Variants in KIF21A observed in about 807,000 individuals in gnomAD.
KIF21A encodes kinesin-like protein KIF21A.
In KIF21A, 114 loss-of-function variants were observed where a neutral mutation model predicts 202.9. That is an observed-to-expected ratio of 0.56 (90% CI 0.48 to 0.66). The LOEUF (loss-of-function observed/expected upper bound fraction) is 0.66. Among genes scored for constraint, KIF21A ranks in the 30% least tolerant of loss-of-function variants. The pLI is 0.00. For missense variants in KIF21A, 1,677 were observed against 1,994.9 expected (o/e 0.84, Z 3.04); for synonymous variants, 667 against 670.8 (o/e 0.99, Z 0.09).
chr12:39,310,718 C>A (rs1943944727), intron 32 of KIF21A, among the ~76,000 whole-genome samples: 1 of 151,970 alleles, frequency 6.6e-6, no homozygotes. Context: ...CTTGTCAAAG[C>A]CTTCCTTGTT....
intron 23 of KIF21A, 69 bp from the exon 24 acceptor site, chr12:39,330,331 C>G: frequency 1.4e-6 from 2 of 1,383,788 alleles, no homozygotes; most frequent in Non-Finnish European, 2.1e-6. Context: ...ATGTTAAAAA[C>G]TCCCACATAA....
At chr12:39,345,803 T>C (rs886665010) in intron 12 of KIF21A, among the ~76,000 whole-genome samples, 1 of 151,944 alleles carries the variant, frequency 6.6e-6, no homozygotes, top group African/African-American at 2.4e-5. Context: ...ATCAGTAAAA[T>C]GCAATCAAGA....
At chr12:39,402,141 G>A (rs1249289940) in intron 1 of KIF21A, among the ~76,000 whole-genome samples, 8 of 152,176 alleles carry the variant, frequency 5.3e-5, no homozygotes, top group South Asian at 2.1e-4. Context: ...AAGGGTGACC[G>A]TGCCTCTTAG....
rs58046207 is a variant in KIF21A, at chr12:39,319,544, G to T, written c.3779+362C>A. Among the ~76,000 whole-genome samples the T allele has an allele frequency of 3.7e-3, 562 of 152,114 alleles. 3 individuals carry two copies. Among genetic ancestry groups the T allele is most frequent in the African/African-American group, 0.013 (532 of 41,498 alleles). Reference sequence around the variant, plus strand: ...GTCAAGATCAGTTTTAGCTAACATGGCAATGACGGTCAAAATTAATTCTAA... The same window carrying T: ...GTCAAGATCAGTTTTAGCTAACATGTCAATGACGGTCAAAATTAATTCTAA... On this transcript the variant is annotated intron_variant, in intron 28 of 37. Coordinates refer to ENST00000361418, the MANE Select transcript of KIF21A (RefSeq NM_001173464.2).
At chr12:39,353,736 G>T (rs1273199133) in intron 10 of KIF21A, among the ~76,000 whole-genome samples, 1 of 151,924 alleles carries the variant, frequency 6.6e-6, no homozygotes. Context: ...TTTGGTAGGG[G>T]CATATCCAAT....
chr12:39,356,955 A>G lies in KIF21A; in HGVS notation c.1406-60T>C, dbSNP rs1189396743. 10 of 819,178 alleles carry G rather than the reference A, an allele frequency of 1.2e-5. No homozygotes were observed. In the African/African-American group the frequency reaches 1.4e-4, roughly 11 times the overall value. The allele number at this position is 819,178 out of a possible 1,614,324, so 50.7% of individuals were successfully genotyped here. On this transcript the variant is annotated intron_variant, in intron 9 of 37. Transcript: ENST00000361418. ...TAAATTAAGACTTCAACAAAACAGG[A>G]GAAAAAAAAAGTCGGGAAACAAAAC... is the stretch of plus-strand genomic sequence containing the variant.
At position 39,303,187 on chromosome 12, in the gene KIF21A, C is replaced by T. The variant is rs1009088142; in HGVS notation, c.4561-52G>A. On this transcript the variant is annotated intron_variant, in intron 35 of 37. Transcript: ENST00000361418. ...TCCTATTTAACTTGCAAATAAACACCAATATTTGTACAGTCCTAGAAACAC... is the reference window on the plus strand; with the variant it reads ...TCCTATTTAACTTGCAAATAAACACTAATATTTGTACAGTCCTAGAAACAC... 3 of 1,486,828 alleles carry T rather than the reference C, an allele frequency of 2.0e-6. No individual in the cohort carries two copies. In the African/African-American group the frequency reaches 4.1e-5, roughly 21 times the overall value. 92.1% of individuals were successfully genotyped at this position (1,486,828 alleles called of 1,614,324 possible). A position where few individuals can be genotyped will look rare whatever the true frequency, so the allele number is the denominator to read the frequency against.
At chr12:39,315,059 G>T (rs751609550) in intron 31 of KIF21A, among the ~76,000 whole-genome samples, 170 bp downstream of exon 31, 22 of 151,810 alleles carry the variant, frequency 1.4e-4, no homozygotes, top group Non-Finnish European at 1.9e-4. Context: ...TTCACATTTT[G>T]AAATATAAAA....
At chr12:39,416,321 C>T (rs1953579658) in intron 1 of KIF21A, among the ~76,000 whole-genome samples, 1 of 151,874 alleles carries the variant, frequency 6.6e-6, no homozygotes, top group Non-Finnish European at 1.5e-5. Flanking sequence ...GACAGCCGAG[C>T]GTGGTGGTTC....
intron 12 of KIF21A, among the ~76,000 whole-genome samples, chr12:39,345,157 A>G (rs1317402522): frequency 2.0e-5 from 3 of 151,884 alleles, no homozygotes; most frequent in Non-Finnish European, 2.9e-5. Context: ...CCACCCAACC[A>G]CTCTGCTTTT....
intron 1 of KIF21A, among the ~76,000 whole-genome samples, chr12:39,395,081 A>G (rs1951636698): frequency 1.3e-5 from 2 of 152,194 alleles, no homozygotes; most frequent in African/African-American, 4.8e-5. Context: ...CACCTAGACA[A>G]TAGCAATAAT....
At position 39,418,754 on chromosome 12, in the gene KIF21A, T is replaced by C. The variant is rs537760136; in HGVS notation, c.44+24173A>G. 1.1e-3 allele frequency among the ~76,000 whole-genome samples: 171 copies of C among 152,322 alleles called. 1 individual carries two copies. Among genetic ancestry groups the C allele is most frequent in the Admixed American group, 3.7e-3 (57 of 15,302 alleles). ...ATGATGATGTTACATGATTGTGTTATAAGAACACCCACAAATTACCAAAAA... is the reference window on the plus strand; with the variant it reads ...ATGATGATGTTACATGATTGTGTTACAAGAACACCCACAAATTACCAAAAA... On this transcript the variant is annotated intron_variant, in intron 1 of 37. Coordinates refer to ENST00000361418, the MANE Select transcript of KIF21A (RefSeq NM_001173464.2).
chr12:39,333,684 T>C (rs888738847), intron 17 of KIF21A, among the ~76,000 whole-genome samples: 1 of 152,170 alleles, frequency 6.6e-6, no homozygotes, highest in Non-Finnish European at 1.5e-5. Context: ...TCTTATAATA[T>C]ATACAATAAT....
chr12:39,384,604 C>T (rs781718759), intron 1 of KIF21A, among the ~76,000 whole-genome samples: 32 of 152,148 alleles, frequency 2.1e-4, no homozygotes, highest in Non-Finnish European at 3.5e-4. Context: ...CCTTAAGCAG[C>T]AAAGAACTCT....
Position 39,330,256 on chromosome 12 carries a change from T to A in KIF21A, c.3326A>T (p.Asp1109Val). The part of the protein sequence containing the change: ...ALLGHALQDL[D>V]SVPLENVEDS... The stretch of plus-strand genomic sequence containing the variant: ...AACATACTTACCTAATGGTACGCTA[T>A]CTAGATCTGTGTAAATAACAGCAAA... The change falls in exon 24 of 38, where the codon GAT becomes GTT. Residue 1109 changes from aspartate (D) to valine (V), a missense_variant. By Grantham distance (152) the Asp-to-Val change is radical. Transcript: ENST00000361418. The A allele has an allele frequency of 6.2e-7, 1 of 1,612,360 alleles. No individual in the cohort carries two copies. The highest frequency in any genetic ancestry group is 2.2e-5 in the East Asian group (1 of 44,732).
chr12:39,346,438 T>C, intron 12 of KIF21A, 28 bp downstream of exon 12: 1 of 1,440,874 alleles, frequency 6.9e-7, no homozygotes, highest in Non-Finnish European at 9.1e-7. Flanking sequence ...AACGACATTT[T>C]AATAAAAAAC....
rs541860250 is a variant in KIF21A, at chr12:39,361,522, CTTTTTT to C, written c.1019+1570_1019+1575del. Among the ~76,000 whole-genome samples, 3 of 131,732 alleles carry C rather than the reference CTTTTTT, an allele frequency of 2.3e-5. No homozygotes were observed. In the East Asian group the frequency reaches 6.7e-4, roughly 29 times the overall value. 86.4% of individuals were successfully genotyped at this position (131,732 alleles called of 152,430 possible). A position where few individuals can be genotyped will look rare whatever the true frequency, so the allele number is the denominator to read the frequency against. On this transcript the variant is annotated intron_variant, in intron 7 of 37. Transcript: ENST00000361418. ...TATTCTACAAAACAGAACTTTCTTT[CTTTTTT>C]TTTTTTTTTTTGAGACGGAGTCTCG... is the stretch of plus-strand genomic sequence containing the variant.
intron 1 of KIF21A, among the ~76,000 whole-genome samples, chr12:39,397,604 C>T (rs1017318264): frequency 6.6e-6 from 1 of 152,232 alleles, no homozygotes; most frequent in Non-Finnish European, 1.5e-5. Context: ...TGACCCAGAA[C>T]AGTTCCTGGT....
chr12:39,311,847 C>A, intron 31 of KIF21A: 1 of 333,066 alleles, frequency 3.0e-6, no homozygotes. Flanking sequence ...AACGAAGCCA[C>A]AATGGGAATT....
Sources: gnomAD v4.1 joint callset for allele counts (sites outside exome capture counted in the v4.1 genomes callset) on GRCh38, gnomAD v4.1.1 for gene constraint, MANE v1.5 for transcripts, NCBI Gene and HGNC (gene_info 2026-07-23, HGNC 2026-07-21) for gene names.